GRM7: variants seen among roughly 807,000 people sequenced by gnomAD.
The protein encoded by GRM7 is glutamate metabotropic receptor 7, also known as metabotropic glutamate receptor 7.
A neutral mutation model predicts 84.5 loss-of-function variants in GRM7; 35 were observed. The observed-to-expected ratio is 0.41, with a 90% CI of 0.32 to 0.55. GRM7 has a LOEUF of 0.55. Ranked by LOEUF, GRM7 falls within the 20% of genes least tolerant of loss-of-function variation. The pLI is 0.19. For missense variants in GRM7, 1,003 were observed against 1,194.6 expected (o/e 0.84, Z 2.36); for synonymous variants, 487 against 455.1 (o/e 1.07, Z -0.89).
chr3:6,964,835 A>C (rs555569129), intron 1 of GRM7, among the ~76,000 whole-genome samples: 1 of 152,334 alleles, frequency 6.6e-6, no homozygotes, highest in East Asian at 1.9e-4. Flanking sequence ...ATCTGACAGC[A>C]ATGCCGTTAG....
chr3:7,713,902 A>G (rs944142161), intron 9 of GRM7, among the ~76,000 whole-genome samples: 1 of 147,132 alleles, frequency 6.8e-6, no homozygotes, highest in Non-Finnish European at 1.5e-5. Flanking sequence ...TTAGTTAAGT[A>G]GCTGATGGGA....
At chr3:7,573,001 C>G (rs982589422) in intron 7 of GRM7, among the ~76,000 whole-genome samples, 2 of 149,648 alleles carry the variant, frequency 1.3e-5, no homozygotes, top group African/African-American at 4.9e-5. Flanking sequence ...AATATAGTCC[C>G]TAAATTCTGT....
At chr3:7,635,677 T>C (rs569256465) in intron 8 of GRM7, among the ~76,000 whole-genome samples, 2 of 152,264 alleles carry the variant, frequency 1.3e-5, no homozygotes, top group East Asian at 3.9e-4. Context: ...ATCTTTTTTA[T>C]AATTTTATTT....
At chr3:7,041,736 A>G (rs1345582430) in intron 1 of GRM7, among the ~76,000 whole-genome samples, 2 of 152,186 alleles carry the variant, frequency 1.3e-5, no homozygotes, top group Non-Finnish European at 2.9e-5. Context: ...CAGAATCTCC[A>G]GAGTGATTTT....
chr3:7,091,479 T>C (rs1252068680), intron 1 of GRM7, among the ~76,000 whole-genome samples: 1 of 152,076 alleles, frequency 6.6e-6, no homozygotes, highest in Non-Finnish European at 1.5e-5. Flanking sequence ...GGTGTGTTTA[T>C]GCTAGTCCAT....
intron 2 of GRM7, among the ~76,000 whole-genome samples, chr3:7,175,589 G>T (rs1283566136): frequency 1.3e-5 from 2 of 152,176 alleles, no homozygotes; most frequent in African/African-American, 2.4e-5. Context: ...CCAGGCTAGA[G>T]TGCAGTGGTG....
intron 7 of GRM7, among the ~76,000 whole-genome samples, chr3:7,539,439 G>A (rs1488234762): frequency 2.0e-5 from 3 of 152,064 alleles, no homozygotes; most frequent in South Asian, 2.1e-4. Flanking sequence ...CACTTTGGGA[G>A]GCCGAGGTGG....
intron 1 of GRM7, among the ~76,000 whole-genome samples, chr3:6,990,426 A>T (rs1694591262): frequency 6.6e-6 from 1 of 152,138 alleles, no homozygotes; most frequent in Non-Finnish European, 1.5e-5. Context: ...GGGTGTTAGG[A>T]ATCACATATA....
intron 7 of GRM7, among the ~76,000 whole-genome samples, chr3:7,465,887 G>A (rs1253860180): frequency 6.6e-6 from 1 of 152,122 alleles, no homozygotes; most frequent in Non-Finnish European, 1.5e-5. Flanking sequence ...TAAGTGCTTA[G>A]CAGTGTGCTG....
chr3:7,604,424 C>G (rs9827154), intron 8 of GRM7, among the ~76,000 whole-genome samples: 93,712 of 152,034 alleles, frequency 0.62, 29,207 homozygotes, highest in African/African-American at 0.68. Context: ...CCAAGCCCAA[C>G]AAATTTTACC....
At chr3:7,331,976 T>G (rs1162155809) in intron 4 of GRM7, among the ~76,000 whole-genome samples, 1 of 151,792 alleles carries the variant, frequency 6.6e-6, no homozygotes, top group Non-Finnish European at 1.5e-5. Flanking sequence ...GAGAGAGGAG[T>G]GTGACTCAGA....
rs975459935 is a variant in GRM7, at chr3:7,486,136, T to A, written c.1515+24414T>A. Among the ~76,000 whole-genome samples, 5 of 152,196 alleles carry A rather than the reference T, an allele frequency of 3.3e-5. No individual in the cohort carries two copies. The highest frequency in any genetic ancestry group is 4.8e-5 in the African/African-American group (2 of 41,446). On this transcript the variant is annotated intron_variant, in intron 7 of 9. Transcript: ENST00000357716. The surrounding 1 kb of genome is among the most constrained non-coding windows in gnomAD (Gnocchi z 5.5). ...TTTAAATACTGCTTCTTGAACTGACTCTGATCTTAGAATATATTTCATTTT... is the reference window on the plus strand; with the variant it reads ...TTTAAATACTGCTTCTTGAACTGACACTGATCTTAGAATATATTTCATTTT...
chr3:7,251,919 C>A (rs1239756179), intron 2 of GRM7, among the ~76,000 whole-genome samples: 1 of 152,024 alleles, frequency 6.6e-6, no homozygotes, highest in Non-Finnish European at 1.5e-5. Context: ...GGAAATGAGG[C>A]CAAAAATGGA....
chr3:7,364,743 T>C (rs756163046), intron 4 of GRM7, among the ~76,000 whole-genome samples: 1 of 151,952 alleles, frequency 6.6e-6, no homozygotes, highest in Non-Finnish European at 1.5e-5. Flanking sequence ...AATGCTGTAA[T>C]CCTGCTCACT....
At chr3:7,591,687 G>A (rs1312182951) in intron 8 of GRM7, among the ~76,000 whole-genome samples, 1 of 152,132 alleles carries the variant, frequency 6.6e-6, no homozygotes, top group Non-Finnish European at 1.5e-5. Flanking sequence ...GTGCAAATCA[G>A]AGTCCAGAAC....
chr3:7,356,861 A>G (rs1326177139), intron 4 of GRM7, among the ~76,000 whole-genome samples: 1 of 145,706 alleles, frequency 6.9e-6, no homozygotes, highest in Middle Eastern at 3.5e-3. Flanking sequence ...AAACCACCCT[A>G]CTGGCTTCTC....
intron 2 of GRM7, among the ~76,000 whole-genome samples, chr3:7,200,265 G>T (rs926348284): frequency 6.6e-6 from 1 of 152,162 alleles, no homozygotes; most frequent in African/African-American, 2.4e-5. Flanking sequence ...CCACATTGGG[G>T]ATCAAATTTC....
rs1699471641 is a variant in GRM7, at chr3:7,490,225, G to A, written c.1515+28503G>A. ...TTTTTCTGAACCATTTTATTTCCCA[G>A]TGTTTTTTACCTTTGGGGTAACATA... On this transcript the variant is annotated intron_variant, in intron 7 of 9. Transcript: ENST00000357716. Among the ~76,000 whole-genome samples the A allele has an allele frequency of 2.0e-5, 3 of 151,800 alleles. No homozygotes were observed. In the South Asian group the frequency reaches 6.2e-4, roughly 32 times the overall value.
At chr3:6,916,170 T>C (rs1696932149) in intron 1 of GRM7, among the ~76,000 whole-genome samples, 1 of 152,190 alleles carries the variant, frequency 6.6e-6, no homozygotes, top group African/African-American at 2.4e-5. Flanking sequence ...ACACTAAAGA[T>C]ACAATAATGG....
Sources: allele counts gnomAD v4.1 joint callset (sites outside exome capture counted in the v4.1 genomes callset), GRCh38; gene constraint gnomAD v4.1.1; non-coding constraint Gnocchi (gnomAD v3.1); transcripts MANE v1.5; gene names NCBI Gene and HGNC (gene_info 2026-07-23, HGNC 2026-07-21).